Variants in MLXIPL observed in about 807,000 individuals in gnomAD.
The protein encoded by MLXIPL is carbohydrate-responsive element-binding protein.
A neutral mutation model predicts 81.5 loss-of-function variants in MLXIPL; 49 were observed. That is an observed-to-expected ratio of 0.60 (90% CI 0.48 to 0.76). MLXIPL has a LOEUF of 0.76. MLXIPL is among the 30% of genes least tolerant of loss of function. The probability of loss-of-function intolerance (pLI) is 0.00; values close to 1 mark genes in which losing one functional copy is unlikely to be tolerated. For missense variants in MLXIPL, 1,053 were observed against 1,167.0 expected (o/e 0.90, Z 1.42); for synonymous variants, 466 against 485.5 (o/e 0.96, Z 0.53).
At position 73,616,133 on chromosome 7, in the gene MLXIPL, T is replaced by C. The variant is rs149713253; in HGVS notation, c.338A>G (p.Lys113Arg). 1.3e-4 allele frequency: 217 copies of C among 1,613,974 alleles called. No homozygotes were observed. Among genetic ancestry groups the C allele is most frequent in the Non-Finnish European group, 1.7e-4 (203 of 1,180,030 alleles). The change falls in exon 2 of 17, where the codon AAG (lysine) becomes AGG (arginine). Residue 113 changes from lysine to arginine, a missense_variant. Transcript: ENST00000313375. ...GCGGATCTTGTCTCTGCAGAGCAGC[T>C]TGAGGCCTTTGAAATTCTTCCACTT... is the stretch of plus-strand genomic sequence containing the variant. The part of the protein sequence containing the change: ...SPKWKNFKGL[K>R]LLCRDKIRLN...
At chr7:73,603,489 G>GC (rs1554596988) in intron 7 of MLXIPL, among the ~76,000 whole-genome samples, 1 of 152,172 alleles carries the variant, frequency 6.6e-6, no homozygotes, top group Non-Finnish European at 1.5e-5. Flanking sequence ...CCCCTGGGCA[G>GC]CCCCCACCCC....
the MLXIPL span, among the ~76,000 whole-genome samples, chr7:73,630,869 C>T: frequency 1.3e-5 from 2 of 152,196 alleles, no homozygotes; most frequent in Non-Finnish European, 2.9e-5. Flanking sequence ...AGTTAGAACC[C>T]AGCAGTGTGC....
intron 15 of MLXIPL, among the ~76,000 whole-genome samples, chr7:73,594,760 G>T (rs1172968917): frequency 4.0e-5 from 6 of 150,908 alleles, no homozygotes; most frequent in African/African-American, 1.5e-4. Flanking sequence ...TGTTGGTCAG[G>T]CTGGTCTCGA....
intron 5 of MLXIPL, 49 bp downstream of exon 5, chr7:73,606,925 T>A: frequency 2.5e-6 from 4 of 1,597,998 alleles, no homozygotes; most frequent in Middle Eastern, 1.7e-4. Context: ...TCCCATCTAC[T>A]TGGGGGGCAA....
upstream of MLXIPL, chr7:73,624,593 A>G: frequency 7.1e-7 from 1 of 1,399,388 alleles, no homozygotes. Context: ...CCCACACCAT[A>G]GGCCGATCGG....
the MLXIPL span, among the ~76,000 whole-genome samples, chr7:73,631,421 C>T: frequency 2.0e-3 from 308 of 151,948 alleles, 1 homozygote; most frequent in African/African-American, 7.1e-3. Context: ...AAGCCTGACA[C>T]GGAAGTGTAT....
the MLXIPL span, among the ~76,000 whole-genome samples, chr7:73,646,101 G>T: frequency 6.6e-6 from 1 of 152,134 alleles, no homozygotes; most frequent in Non-Finnish European, 1.5e-5. Context: ...AGAGAGTGAG[G>T]ACTGCACTAA....
chr7:73,600,990 T>G (rs1794772132), intron 7 of MLXIPL, among the ~76,000 whole-genome samples: 1 of 151,564 alleles, frequency 6.6e-6, no homozygotes, highest in African/African-American at 2.4e-5. Context: ...GGCCTCTTAG[T>G]CTGGGCAGTT....
chr7:73,620,786 C>A (rs1796299670), intron 1 of MLXIPL, among the ~76,000 whole-genome samples: 1 of 149,554 alleles, frequency 6.7e-6, no homozygotes, highest in South Asian at 2.1e-4. Flanking sequence ...CACGATGGCT[C>A]ATACCTGTAA....
At chr7:73,633,473 A>G in the MLXIPL span, among the ~76,000 whole-genome samples, 1 of 151,354 alleles carries the variant, frequency 6.6e-6, no homozygotes, top group Non-Finnish European at 1.5e-5. Context: ...GGTGTGTGCC[A>G]ACGTGCCTGG....
At chr7:73,612,409 G>A (rs1202655252) in intron 2 of MLXIPL, among the ~76,000 whole-genome samples, 1 of 151,968 alleles carries the variant, frequency 6.6e-6, no homozygotes, top group East Asian at 1.9e-4. Flanking sequence ...GGGAGGCCGA[G>A]GTGGGCGGAT....
chr7:73,612,584 G>A (rs1213054420), intron 2 of MLXIPL, among the ~76,000 whole-genome samples: 1 of 151,298 alleles, frequency 6.6e-6, no homozygotes, highest in Non-Finnish European at 1.5e-5. Flanking sequence ...GGAGGCTGCA[G>A]TGAGTCGAGA....
chr7:73,596,391 G>A lies in MLXIPL; in HGVS notation c.1911C>T (p.Leu637=), dbSNP rs1554593847. 1 of 1,613,180 alleles carries A rather than the reference G, an allele frequency of 6.2e-7. No individual in the cohort carries two copies. Among genetic ancestry groups the A allele is most frequent in the East Asian group, 2.2e-5 (1 of 44,830 alleles). ...TGTTGCTGTCTGGACGGCCCCGGCT[G>A]AGGATGGGTTGCGGGGGAGAGACAC... ...SVRVSPPQPI[L]SRGRPDSNKT... Residue 637 remains leucine (L), a synonymous_variant, in exon 12 of 17, where the codon CTC becomes CTT. Transcript: ENST00000313375. This position sits in a 1 kb window ranked among gnomAD's most constrained non-coding sequence, Gnocchi z 4.7.
chr7:73,597,641 G>A lies in MLXIPL; in HGVS notation c.1144C>T (p.Pro382Ser), dbSNP rs782038682. The A allele has an allele frequency of 1.4e-6, 2 of 1,388,820 alleles. No homozygotes were observed. The highest frequency in any genetic ancestry group is 1.9e-6 in the Non-Finnish European group (2 of 1,074,976). The allele number at this position is 1,388,820 out of a possible 1,614,324, so 86.0% of individuals were successfully genotyped here. ...LSSDFLLPED[P>S]KPRLPPPPVP... The stretch of plus-strand genomic sequence containing the variant: ...GGAGGGGGTGGGAGCCGGGGCTTGG[G>A]GTCTTCAGGAAGGAGGAAATCAGAA... The change falls in exon 9 of 17, where the codon CCC becomes TCC. Residue 382 changes from proline to serine, a missense_variant. Pro to Ser is a moderately conservative substitution (Grantham distance 74, BLOSUM62 -1). Around this residue, in one of 3 missense-constraint regions of MLXIPL, gnomAD observed 823 missense variants for 933.0 expected, o/e 0.88. Coordinates refer to ENST00000313375, the MANE Select transcript of MLXIPL (RefSeq NM_032951.3).
rs78644237 is a variant in MLXIPL at position 73,599,907 on chromosome 7, T to C, written c.902-212A>G. Among the ~76,000 whole-genome samples, 4,520 of 151,902 alleles carry C rather than the reference T, an allele frequency of 0.03. 229 individuals are homozygous for C. The highest frequency in any genetic ancestry group is 0.1 in the African/African-American group (4,315 of 41,380). The stretch of plus-strand genomic sequence containing the variant: ...AGCAACCGTCTTGGGTGGAATGAGC[T>C]TGCGTGGGAGAGAGCAGGGGACTGT... On this transcript the variant is annotated intron_variant, in intron 7 of 16. Coordinates refer to ENST00000313375, the MANE Select transcript of MLXIPL (RefSeq NM_032951.3).
At chr7:73,613,132 G>A (rs1554600069) in intron 2 of MLXIPL, among the ~76,000 whole-genome samples, 4 of 152,162 alleles carry the variant, frequency 2.6e-5, no homozygotes, top group African/African-American at 4.8e-5. Flanking sequence ...GACATTAGTG[G>A]CGTCAAGCCA....
chr7:73,644,679 CT>C, the MLXIPL span, among the ~76,000 whole-genome samples: 1 of 152,138 alleles, frequency 6.6e-6, no homozygotes, highest in East Asian at 1.9e-4. Context: ...TCCTTCCTTC[CT>C]GGTCGACATC....
the MLXIPL span, among the ~76,000 whole-genome samples, chr7:73,644,930 G>A: frequency 8.5e-5 from 13 of 152,248 alleles, no homozygotes; most frequent in Admixed American, 3.3e-4. Context: ...CATATCTCTC[G>A]CCCAAAGTCA....
intron 2 of MLXIPL, among the ~76,000 whole-genome samples, chr7:73,612,021 C>T (rs573893320): frequency 1.8e-4 from 28 of 151,934 alleles, no homozygotes; most frequent in African/African-American, 6.5e-4. Flanking sequence ...GAAATGAACA[C>T]CAGCAAAGAT....
Sources: gnomAD v4.1 joint callset for allele counts (sites outside exome capture counted in the v4.1 genomes callset) on GRCh38, gnomAD v4.1.1 for gene constraint, gnomAD v4.1.1 regional missense constraint, Gnocchi (gnomAD v3.1) non-coding constraint, MANE v1.5 for transcripts, NCBI Gene and HGNC (gene_info 2026-07-23, HGNC 2026-07-21) for gene names.